The following ALG13 variants were observed in gnomAD, a reference collection of about 807,000 sequenced individuals.
The protein encoded by ALG13 is UDP-N-acetylglucosamine transferase subunit ALG13.
ALG13 carries 11 observed loss-of-function variants against 87.8 expected under a neutral mutation model. That is an observed-to-expected ratio of 0.13 (90% CI 0.08 to 0.21). ALG13 has a LOEUF of 0.21. Ranked by LOEUF, ALG13 falls within the 10% of genes least tolerant of loss-of-function variation. ALG13 has a pLI of 1.00. For synonymous variants in ALG13, 320 were observed against 306.3 expected, an observed-to-expected ratio of 1.04 and a Z score of -0.47; for missense variants, 756 against 866.1, an observed-to-expected ratio of 0.87 and a Z score of 1.60.
chrX:111,714,159 G>T (rs1202793169), intron 8 of ALG13: 1 of 111,176 alleles, frequency 9.0e-6, no homozygotes, highest in African/African-American at 3.3e-5. Flanking sequence ...TAACTTAGAA[G>T]ATAAGTATGA....
chrX:111,683,779 A>G (rs1422324552), intron 2 of ALG13, among the ~76,000 whole-genome samples: 1 of 111,899 alleles, frequency 8.9e-6, no homozygotes, highest in East Asian at 2.8e-4. Context: ...AATATTCTAT[A>G]TTTGCATATT....
intron 3 of ALG13, among the ~76,000 whole-genome samples, chrX:111,705,525 TCAC>T (rs1938588557): frequency 8.9e-6 from 1 of 111,739 alleles, no homozygotes; most frequent in African/African-American, 3.2e-5. Flanking sequence ...ATCTGAGAAC[TCAC>T]TGCCTAACCC....
chrX:111,738,216 G>A (rs1035003462), intron 23 of ALG13, among the ~76,000 whole-genome samples: 6 of 112,372 alleles, frequency 5.3e-5, no homozygotes, highest in Admixed American at 2.8e-4. Context: ...TTATAAAGGG[G>A]AGAAGGTCAT....
At chrX:111,744,939 A>T (rs1028585055) in intron 24 of ALG13, 35 bp downstream of exon 24, 5 of 1,092,382 alleles carry the variant, frequency 4.6e-6, no homozygotes, top group Non-Finnish European at 6.3e-6. Context: ...GAGGGATCTG[A>T]GACTTAAAAA....
intron 5 of ALG13, among the ~76,000 whole-genome samples, chrX:111,710,251 T>C (rs1426495156): frequency 9.0e-6 from 1 of 110,797 alleles, no homozygotes; most frequent in Non-Finnish European, 1.9e-5. Context: ...CAGACTGGTC[T>C]CAGACTCCTG....
chrX:111,727,085 G>T, intron 16 of ALG13, 30 bp downstream of exon 16: 2 of 1,204,398 alleles, frequency 1.7e-6, no homozygotes, highest in Non-Finnish European at 2.2e-6. Context: ...GTATTTTCAT[G>T]GTCTAGGGAA....
Position 111,681,260 on chromosome X carries a change from C to A in ALG13, c.42C>A (p.Asp14Glu), listed in dbSNP as rs200293248. 3.6e-5 allele frequency: 43 copies of A among 1,211,182 alleles called. No homozygotes were observed. The Admixed American group carries it at 8.5e-4, about 24-fold the overall frequency. The part of the protein sequence containing the change: ...VFVTVGTTSF[D>E]DLIACVSAPD... ...TTACCGTAGGGACCACCAGCTTTGA[C>A]GACCTCATTGCGTGTGTGTCGGCGC... The change falls in exon 1 of 27, where the codon GAC becomes GAA. Residue 14 changes from aspartate to glutamate, a missense_variant. By Grantham distance (45) the Asp-to-Glu change is conservative. Transcript: ENST00000394780.
intron 19 of ALG13, among the ~76,000 whole-genome samples, chrX:111,729,432 TAAAA>T (rs749658851): frequency 8.1e-5 from 9 of 110,945 alleles, no homozygotes; most frequent in Admixed American, 6.7e-4. Context: ...ATTTAATGAG[TAAAA>T]AAATCTAGTG....
intron 23 of ALG13, among the ~76,000 whole-genome samples, chrX:111,742,981 A>C (rs28649616): frequency 8.9e-6 from 1 of 112,119 alleles, no homozygotes; most frequent in Non-Finnish European, 1.9e-5. Context: ...ATGCATCTCT[A>C]TAGAAACTTG....
At chrX:111,717,198 TAAC>T (rs1301229615) in intron 8 of ALG13, among the ~76,000 whole-genome samples, 1 of 111,231 alleles carries the variant, frequency 9.0e-6, no homozygotes, top group Non-Finnish European at 1.9e-5. Context: ...AAATTTTGCT[TAAC>T]AAGCATGGCC....
intron 23 of ALG13, among the ~76,000 whole-genome samples, chrX:111,742,705 A>T (rs1943867801): frequency 8.9e-6 from 1 of 112,145 alleles, no homozygotes; most frequent in African/African-American, 3.2e-5. Flanking sequence ...TAAATTTTGC[A>T]CTGGAGCATC....
chrX:111,707,341 T>A (rs1318344175), intron 3 of ALG13, among the ~76,000 whole-genome samples: 1 of 112,595 alleles, frequency 8.9e-6, no homozygotes, highest in African/African-American at 3.2e-5. Flanking sequence ...TGCATTTTTC[T>A]TTTTTATTGG....
At chrX:111,692,588 G>A (rs1241191219) in intron 3 of ALG13, among the ~76,000 whole-genome samples, 1 of 111,456 alleles carries the variant, frequency 9.0e-6, no homozygotes, top group Admixed American at 9.6e-5. Flanking sequence ...TGTATGGTAA[G>A]TTTGTAGGAT....
chrX:111,718,617 G>A (rs1251135210), intron 10 of ALG13, among the ~76,000 whole-genome samples: 1 of 112,134 alleles, frequency 8.9e-6, no homozygotes, highest in African/African-American at 3.2e-5. Flanking sequence ...GTCAGGATGG[G>A]ACCAGGAATC....
chrX:111,690,165 A>T, intron 3 of ALG13: 2 of 753,529 alleles, frequency 2.7e-6, no homozygotes, highest in Non-Finnish European at 3.1e-6. Flanking sequence ...AAAGAATGGT[A>T]ACCAAAAGTC....
chrX:111,751,975 T>A (rs1046784515), intron 24 of ALG13, among the ~76,000 whole-genome samples: 3 of 111,998 alleles, frequency 2.7e-5, no homozygotes, highest in African/African-American at 9.7e-5. Flanking sequence ...ATTGCCCTTC[T>A]CTTTGGAGTT....
intron 3 of ALG13, among the ~76,000 whole-genome samples, chrX:111,695,105 A>G (rs1444320985): frequency 8.9e-6 from 1 of 111,959 alleles, no homozygotes; most frequent in Non-Finnish European, 1.9e-5. Context: ...TAGTTAGATA[A>G]TTTAAGTTTA....
Position 111,727,889 on chromosome X carries a change from GGAAAAT to G in ALG13, c.2247+128_2247+133del, listed in dbSNP as rs1942241420. 1.1e-5 allele frequency: 9 copies of G among 832,595 alleles called. No individual in the cohort carries two copies. In the South Asian group the frequency reaches 2.5e-4, roughly 23 times the overall value. The allele number at this position is 832,595 out of a possible 1,213,427, so 68.6% of individuals were successfully genotyped here. A position where few individuals can be genotyped will look rare whatever the true frequency, so the allele number is the denominator to read the frequency against. Reference sequence around the variant, plus strand: ...CAAATAACCAAACAAAGCCTTTTCTGGAAAATGAAAATGAGAAAAGAGACATTTTCT... The same window carrying G: ...CAAATAACCAAACAAAGCCTTTTCTGGAAAATGAGAAAAGAGACATTTTCT... On this transcript the variant is annotated intron_variant, in intron 18 of 26. Coordinates refer to ENST00000394780, the MANE Select transcript of ALG13 (RefSeq NM_001099922.3).
Position 111,760,136 on chromosome X carries a change from T to G in ALG13, c.*137T>G. Reference sequence around the variant, plus strand: ...ATTTGTCTTTAAAATTATTTTATCTTTTGATTTAAAATAGTACTTTAAAAT... The same window carrying G: ...ATTTGTCTTTAAAATTATTTTATCTGTTGATTTAAAATAGTACTTTAAAAT... On this transcript the variant is annotated 3_prime_UTR_variant, in exon 27 of 27. Coordinates refer to ENST00000394780, the MANE Select transcript of ALG13 (RefSeq NM_001099922.3). 1.3e-6 allele frequency: 1 copy of G among 750,247 alleles called. No individual in the cohort carries two copies. The highest frequency in any genetic ancestry group is 1.8e-6 in the Non-Finnish European group (1 of 540,710). 61.8% of individuals were successfully genotyped at this position (750,247 alleles called of 1,213,427 possible).
Sources: allele counts gnomAD v4.1 joint callset (sites outside exome capture counted in the v4.1 genomes callset), GRCh38; gene constraint gnomAD v4.1.1; transcripts MANE v1.5; gene names NCBI Gene and HGNC (gene_info 2026-07-23, HGNC 2026-07-21).